DSC1: variants seen among roughly 807,000 people sequenced by gnomAD.
DSC1 encodes desmocollin-1.
Under a neutral mutation model 98.8 loss-of-function variants are expected in DSC1, and 79 were observed. The observed-to-expected ratio is 0.80, with a 90% CI of 0.67 to 0.96. The LOEUF (loss-of-function observed/expected upper bound fraction) is 0.96, where lower values mean the gene tolerates loss of function less well. Among genes scored for constraint, DSC1 ranks in the 50% least tolerant of loss-of-function variants. The pLI is 0.00. For missense variants in DSC1, 1,115 were observed against 1,075.9 expected (o/e 1.04, Z -0.51); for synonymous variants, 405 against 372.1 (o/e 1.09, Z -1.02).
At position 31,131,109 on chromosome 18, in the gene DSC1, G is replaced by A. The variant is rs55913553; in HGVS notation, c.2488-398C>T. On this transcript the variant is annotated intron_variant, in intron 15 of 15. Transcript: ENST00000257198. ...TGTGATAGTGTAATATATTAAACTGGCTAATATCAAACCTATACTGATTAA... is the reference window on the plus strand; with the variant it reads ...TGTGATAGTGTAATATATTAAACTGACTAATATCAAACCTATACTGATTAA... Among the ~76,000 whole-genome samples, 1,449 of 152,124 alleles carry A rather than the reference G, an allele frequency of 9.5e-3. 22 individuals are homozygous for A. The highest frequency in any genetic ancestry group is 0.034 in the African/African-American group (1,398 of 41,518).
rs907256458 is a variant in DSC1 at position 31,136,971 on chromosome 18, A to G, written c.1664-2187T>C. 2.0e-5 allele frequency among the ~76,000 whole-genome samples: 3 copies of G among 152,182 alleles called. No homozygotes were observed. In the South Asian group the frequency reaches 6.2e-4, roughly 32 times the overall value. ...AAAATTTACTTTAAATTAAGCACAT[A>G]AGCAAACATCAAGTATAAATGAGTA... On this transcript the variant is annotated intron_variant, in intron 11 of 15. Coordinates refer to ENST00000257198, the MANE Select transcript of DSC1 (RefSeq NM_024421.2).
chr18:31,160,591 G>C (rs1568006790), intron 1 of DSC1, among the ~76,000 whole-genome samples: 3 of 152,078 alleles, frequency 2.0e-5, no homozygotes, highest in African/African-American at 7.2e-5. Flanking sequence ...CAGAAATCTG[G>C]AATTAAAAGG....
At chr18:31,159,598 T>C (rs1989173857) in intron 1 of DSC1, 69 bp from the exon 2 acceptor site, 3 of 1,379,506 alleles carry the variant, frequency 2.2e-6, no homozygotes, top group Non-Finnish European at 3.0e-6. Context: ...TGTAGCTTTT[T>C]CTTATTGATA....
At chr18:31,161,384 A>G (rs1239614465) in intron 1 of DSC1, among the ~76,000 whole-genome samples, 5 of 149,438 alleles carry the variant, frequency 3.3e-5, no homozygotes, top group Non-Finnish European at 7.4e-5. Flanking sequence ...ATATATATAT[A>G]AATATATGAG....
intron 5 of DSC1, 64 bp downstream of exon 5, chr18:31,154,710 G>A (rs1598628871): frequency 7.5e-7 from 1 of 1,338,774 alleles, no homozygotes; most frequent in Non-Finnish European, 1.0e-6. Flanking sequence ...AACAAGCATA[G>A]TTGAAAATAT....
chr18:31,132,324 T>A (rs772564934), intron 14 of DSC1: 14 of 412,352 alleles, frequency 3.4e-5, no homozygotes, highest in Non-Finnish European at 5.5e-5. Context: ...GATCTCTGAT[T>A]TCTAGTCTCC....
rs375506862 is a variant in DSC1, at chr18:31,132,656, T to C, written c.2150A>G (p.Lys717Arg). ...TGGAAAACATTTCTTGACTGTTCTCTTAGCAGTGACACAGAAACATGTAAA... is the reference window on the plus strand; with the variant it reads ...TGGAAAACATTTCTTGACTGTTCTCCTAGCAGTGACACAGAAACATGTAAA... ...ILFTCFCVTAKRTVKKCFPED... is the reference protein window; with the variant it reads ...ILFTCFCVTARRTVKKCFPED... Residue 717 changes from lysine (K) to arginine (R), a missense_variant, in exon 14 of 16, where the codon AAG becomes AGG. Physicochemically the swap from Lys to Arg is conservative, Grantham distance 26 (BLOSUM62 2). Coordinates refer to ENST00000257198, the MANE Select transcript of DSC1 (RefSeq NM_024421.2). 18 of 1,613,250 alleles carry C rather than the reference T, an allele frequency of 1.1e-5. No individual in the cohort carries two copies. The highest frequency in any genetic ancestry group is 1.5e-5 in the Non-Finnish European group (18 of 1,179,610).
chr18:31,155,688 T>C (rs1989083365), intron 4 of DSC1, among the ~76,000 whole-genome samples: 1 of 152,196 alleles, frequency 6.6e-6, no homozygotes, highest in East Asian at 1.9e-4. Context: ...GTCATTTTTA[T>C]AAAAGATGAG....
chr18:31,150,288 C>CCACCACTACCATCACCACCAT (rs1568002646), intron 5 of DSC1, among the ~76,000 whole-genome samples: 10 of 74,522 alleles, frequency 1.3e-4, no homozygotes, highest in Non-Finnish European at 3.0e-4. Context: ...ATCACCACCA[C>CCACCACTACCATCACCACCAT]CACCACTACC....
rs1988830259 is a variant in DSC1, at chr18:31,145,619, C to T, written c.931G>A (p.Asp311Asn). The T allele has an allele frequency of 1.2e-6, 2 of 1,613,892 alleles. No homozygotes were observed. Among genetic ancestry groups the T allele is most frequent in the East Asian group, 2.2e-5 (1 of 44,876 alleles). ...TAATTAATCATCATTACTTCTCTATCCAGAAAAGGTGTAGTTGTGGTGATG... is the reference window on the plus strand; with the variant it reads ...TAATTAATCATCATTACTTCTCTATTCAGAAAAGGTGTAGTTGTGGTGATG... ...GVITTTTPFL[D>N]REKCDTYQLI... is the part of the protein sequence containing the mutation. Residue 311 changes from aspartate (D) to asparagine (N), a missense_variant, in exon 7 of 16, where the codon GAT becomes AAT. Coordinates refer to ENST00000257198, the MANE Select transcript of DSC1 (RefSeq NM_024421.2).
intron 9 of DSC1, among the ~76,000 whole-genome samples, chr18:31,141,647 T>C (rs1359012021): frequency 6.7e-6 from 1 of 149,066 alleles, no homozygotes; most frequent in Non-Finnish European, 1.5e-5. Flanking sequence ...TGAGGCTTGA[T>C]TTCAAATAGT....
intron 15 of DSC1, among the ~76,000 whole-genome samples, chr18:31,131,157 G>C (rs982560816): frequency 1.3e-5 from 2 of 151,986 alleles, no homozygotes; most frequent in African/African-American, 4.8e-5. Context: ...ACAAAACAAG[G>C]AACTAAAACT....
In DSC1 at chr18:31,130,682, C is replaced by T. The variant is rs763201484; in HGVS notation, c.2517G>A (p.Glu839=). Residue 839 remains glutamate, a synonymous_variant, in exon 16 of 16, where the codon GAG becomes GAA. Coordinates refer to ENST00000257198, the MANE Select transcript of DSC1 (RefSeq NM_024421.2). The stretch of plus-strand genomic sequence containing the variant: ...AAACGTAGTCTTCACAATGTTTATG[C>T]TCCTCATCTTGTCCACACAAATACA... ...EKVYLCGQDE[E]HKHCEDYVCS... The T allele has an allele frequency of 1.7e-5, 27 of 1,614,026 alleles. No individual in the cohort carries two copies. Among genetic ancestry groups the T allele is most frequent in the Non-Finnish European group, 2.3e-5 (27 of 1,180,030 alleles).
intron 2 of DSC1, among the ~76,000 whole-genome samples, chr18:31,158,203 G>T (rs1989139406): frequency 6.6e-6 from 1 of 152,100 alleles, no homozygotes; most frequent in South Asian, 2.1e-4. Flanking sequence ...GGAGGTGAAG[G>T]TTGCAGTGAG....
chr18:31,140,093 A>C lies in DSC1; in HGVS notation c.1469T>G (p.Leu490Arg). 1 of 1,614,032 alleles carries C rather than the reference A, an allele frequency of 6.2e-7. No homozygotes were observed. Among genetic ancestry groups the C allele is most frequent in the Non-Finnish European group, 8.5e-7 (1 of 1,179,950 alleles). ...SQDGFPAGQE[L>R]LGYKALDPEI... ...CGGGTCCAGTGCTTTGTATCCAAGG[A>C]GTTCTTGGCCAGCTGGGAAGCCATC... The change falls in exon 10 of 16, where the codon CTC (leucine) becomes CGC (arginine). Residue 490 changes from leucine (L) to arginine (R), a missense_variant. Leu to Arg is a moderately radical substitution (Grantham distance 102). Transcript: ENST00000257198.
In DSC1 at chr18:31,142,015, A is replaced by G; in HGVS notation, c.1244T>C (p.Val415Ala). ...TTTGTTTACCTTGACAACACACAGC[A>G]CTCCTTCATTTGTATTTGGATCTGT... Reference protein sequence around the residue: ...ISTDPNTNEGVLCVVKPLNYE... With the variant: ...ISTDPNTNEGALCVVKPLNYE... Residue 415 changes from valine to alanine, a missense_variant, in exon 9 of 16, where the codon GTG becomes GCG. Coordinates refer to ENST00000257198, the MANE Select transcript of DSC1 (RefSeq NM_024421.2). 1 of 1,606,322 alleles carries G rather than the reference A, an allele frequency of 6.2e-7. No homozygotes were observed. Among genetic ancestry groups the G allele is most frequent in the South Asian group, 1.1e-5 (1 of 89,164 alleles).
intron 1 of DSC1, among the ~76,000 whole-genome samples, chr18:31,162,290 G>A (rs1989224171): frequency 6.6e-6 from 1 of 152,112 alleles, no homozygotes; most frequent in Admixed American, 6.5e-5. Context: ...GATGGAAGAG[G>A]GATTCCCTTG....
intron 15 of DSC1, chr18:31,130,925 T>G: frequency 7.8e-7 from 1 of 1,287,676 alleles, no homozygotes; most frequent in East Asian, 2.3e-5. Context: ...GTGAGCACAT[T>G]TAAAAAATTA....
intron 5 of DSC1, among the ~76,000 whole-genome samples, chr18:31,153,074 A>G (rs1568003967): frequency 6.6e-6 from 1 of 151,770 alleles, no homozygotes; most frequent in Non-Finnish European, 1.5e-5. Flanking sequence ...ATTCATTTAC[A>G]TTTTTTTAAA....
Sources: gnomAD v4.1 joint callset for allele counts (sites outside exome capture counted in the v4.1 genomes callset) on GRCh38, gnomAD v4.1.1 for gene constraint, MANE v1.5 for transcripts, NCBI Gene and HGNC (gene_info 2026-07-23, HGNC 2026-07-21) for gene names.